Variants in BCAS3 observed in about 807,000 individuals in gnomAD.
BCAS3 encodes BCAS4/BCAS3 fusion.
A neutral mutation model predicts 116.1 loss-of-function variants in BCAS3; 53 were observed. The observed-to-expected ratio is 0.46, with a 90% CI of 0.37 to 0.57. BCAS3 has a LOEUF of 0.57. Among genes scored for constraint, BCAS3 ranks in the 20% least tolerant of loss-of-function variants. The pLI, the probability that BCAS3 is intolerant of heterozygous loss-of-function variation, is 0.00. For synonymous variants in BCAS3, 391 were observed against 408.2 expected (o/e 0.96, Z 0.51); for missense variants, 917 against 1,165.4 (o/e 0.79, Z 3.10).
intron 22 of BCAS3, among the ~76,000 whole-genome samples, chr17:61,194,899 C>G (rs1250523085): frequency 6.6e-6 from 1 of 152,126 alleles, no homozygotes; most frequent in Non-Finnish European, 1.5e-5. Context: ...TCTATTCTGA[C>G]CCCTAAGATG....
At chr17:61,218,462 A>G (rs1249570416) in intron 22 of BCAS3, among the ~76,000 whole-genome samples, 1 of 152,224 alleles carries the variant, frequency 6.6e-6, no homozygotes, top group African/African-American at 2.4e-5. Flanking sequence ...TAGAGGTCCT[A>G]CAATCCTGTA....
At chr17:61,331,069 G>A (rs960243608) in intron 22 of BCAS3, among the ~76,000 whole-genome samples, 1 of 152,202 alleles carries the variant, frequency 6.6e-6, no homozygotes, top group Non-Finnish European at 1.5e-5. Context: ...CCGTAGGGGT[G>A]AGAAAAGCAT....
At chr17:60,746,652 G>C (rs537488348) in intron 5 of BCAS3, among the ~76,000 whole-genome samples, 1 of 151,974 alleles carries the variant, frequency 6.6e-6, no homozygotes, top group Non-Finnish European at 1.5e-5. Context: ...TTTTTTAGCA[G>C]CTTTTCCTTT....
At chr17:61,232,840 T>C (rs779412230) in intron 22 of BCAS3, among the ~76,000 whole-genome samples, 6 of 152,230 alleles carry the variant, frequency 3.9e-5, no homozygotes, top group South Asian at 2.1e-4. Flanking sequence ...TTCTTTATGT[T>C]AACTATTTTC....
At chr17:61,385,044 G>C (rs1222882630) in intron 23 of BCAS3, among the ~76,000 whole-genome samples, 1 of 152,184 alleles carries the variant, frequency 6.6e-6, no homozygotes, top group Non-Finnish European at 1.5e-5. Flanking sequence ...GCTGAGGCTG[G>C]CTCCATCCCA....
At chr17:61,016,176 T>C (rs2065443898) in intron 16 of BCAS3, among the ~76,000 whole-genome samples, 1 of 152,214 alleles carries the variant, frequency 6.6e-6, no homozygotes, top group South Asian at 2.1e-4. Flanking sequence ...TACTTCGTCT[T>C]ATGCTTACTG....
rs201032880 is a variant in BCAS3 at position 60,924,508 on chromosome 17, C to T, written c.1087+8C>T. On this transcript the variant is annotated splice_region_variant and intron_variant, in intron 13 of 23. Coordinates refer to ENST00000407086, the MANE Select transcript of BCAS3 (RefSeq NM_017679.5). ...TGGCTTTTAATACAAGTGGTAAGTTCGCTCTCTGTCTTTTTTTTTTTTTTT... is the reference window on the plus strand; with the variant it reads ...TGGCTTTTAATACAAGTGGTAAGTTTGCTCTCTGTCTTTTTTTTTTTTTTT... 1.2e-4 allele frequency: 173 copies of T among 1,425,992 alleles called. No homozygotes were observed. Among genetic ancestry groups the T allele is most frequent in the African/African-American group, 9.6e-4 (65 of 67,558 alleles). The allele number at this position is 1,425,992 out of a possible 1,614,324, so 88.3% of individuals were successfully genotyped here.
intron 15 of BCAS3, among the ~76,000 whole-genome samples, chr17:60,996,268 C>G (rs148635159): frequency 6.6e-6 from 1 of 152,210 alleles, no homozygotes; most frequent in Non-Finnish European, 1.5e-5. Flanking sequence ...TGGGTGGAAA[C>G]TTAGTTGAGA....
chr17:60,771,646 C>T (rs1288873864), intron 6 of BCAS3, among the ~76,000 whole-genome samples: 1 of 152,026 alleles, frequency 6.6e-6, no homozygotes, highest in Non-Finnish European at 1.5e-5. Context: ...TGGTGTGCTG[C>T]ACCCATTAAC....
intron 22 of BCAS3, among the ~76,000 whole-genome samples, chr17:61,341,047 C>T (rs2057117086): frequency 6.6e-6 from 1 of 152,082 alleles, no homozygotes; most frequent in Non-Finnish European, 1.5e-5. Context: ...CTGACAGGGT[C>T]ATCTGTGTGA....
At chr17:60,958,780 T>C (rs1347975912) in intron 14 of BCAS3, among the ~76,000 whole-genome samples, 1 of 152,350 alleles carries the variant, frequency 6.6e-6, no homozygotes, top group East Asian at 1.9e-4. Flanking sequence ...TCACTACCTA[T>C]ATCAAGACTT....
In BCAS3 at chr17:61,034,738, C is replaced by A; in HGVS notation, c.1710C>A (p.Phe570Leu). The change falls in exon 17 of 24, where the codon TTC (phenylalanine) becomes TTA (leucine). Residue 570 changes from phenylalanine to leucine, a missense_variant. Around this residue, in one of 3 missense-constraint regions of BCAS3, gnomAD observed 807 missense variants for 1,026.0 expected, o/e 0.79. Coordinates refer to ENST00000407086, the MANE Select transcript of BCAS3 (RefSeq NM_017679.5). The surrounding 1 kb of genome is among the most constrained non-coding windows in gnomAD (Gnocchi z 5.0). ...MGGEFCVAAI[F>L]GTSRSWFANN... ...GAGAATTTTGTGTGGCTGCTATCTT[C>A]GGAACATCCAGGTCATGGTTTGCAA... 1 of 1,612,868 alleles carries A rather than the reference C, an allele frequency of 6.2e-7. No individual in the cohort carries two copies. Among genetic ancestry groups the A allele is most frequent in the Non-Finnish European group, 8.5e-7 (1 of 1,179,192 alleles).
At chr17:61,089,993 G>A (rs540641963) in intron 22 of BCAS3, among the ~76,000 whole-genome samples, 3 of 152,282 alleles carry the variant, frequency 2.0e-5, no homozygotes, top group East Asian at 3.9e-4. Flanking sequence ...CTACAATGAT[G>A]TGGCCACATA....
rs1568850946 is a variant in BCAS3 at position 61,322,858 on chromosome 17, G to GAGAGAGAGAGAGAGAGAGAGAC, written c.2426-45448_2426-45447insCAGAGAGAGAGAGAGAGAGAGA. Reference sequence around the variant, plus strand: ...AGAGAGAGAGAGAGAGAGAGAGACAGAGAGAGAGAGAGAGAGAGAGAGGTG... The same window carrying GAGAGAGAGAGAGAGAGAGAGAC: ...AGAGAGAGAGAGAGAGAGAGAGACAGAGAGAGAGAGAGAGAGAGAGACAGAGAGAGAGAGAGAGAGAGAGGTG... On this transcript the variant is annotated intron_variant, in intron 22 of 23. Coordinates refer to ENST00000407086, the MANE Select transcript of BCAS3 (RefSeq NM_017679.5). 5.3e-4 allele frequency among the ~76,000 whole-genome samples: 71 copies of GAGAGAGAGAGAGAGAGAGAGAC among 134,198 alleles called. 1 individual carries two copies. Among genetic ancestry groups the GAGAGAGAGAGAGAGAGAGAGAC allele is most frequent in the African/African-American group, 1.9e-3 (65 of 34,098 alleles). The allele number at this position is 134,198 out of a possible 152,430, so 88.0% of individuals were successfully genotyped here.
At chr17:61,175,170 G>T (rs1335570894) in intron 22 of BCAS3, among the ~76,000 whole-genome samples, 1 of 152,130 alleles carries the variant, frequency 6.6e-6, no homozygotes, top group Non-Finnish European at 1.5e-5. Context: ...ACTTTCGGAG[G>T]CCAAGGCAGG....
At chr17:61,080,373 A>C (rs1317035947) in intron 21 of BCAS3, among the ~76,000 whole-genome samples, 1 of 152,056 alleles carries the variant, frequency 6.6e-6, no homozygotes, top group Non-Finnish European at 1.5e-5. Flanking sequence ...TAATGCCAGC[A>C]CCCTAGCAAC....
intron 12 of BCAS3, among the ~76,000 whole-genome samples, chr17:60,923,416 G>C (rs941302465): frequency 6.6e-6 from 1 of 152,120 alleles, no homozygotes; most frequent in Admixed American, 6.5e-5. Context: ...TTGCATATAT[G>C]TTGTAACTGA....
rs1474499096 is a variant in BCAS3 at position 61,171,093 on chromosome 17, T to G, written c.2425+86529T>G. ...AATTTCCTCTAAATTCCTGTAGCCT[T>G]CCTTGCTTAAAAAAAAGCAAGACCC... is the stretch of plus-strand genomic sequence containing the variant. On this transcript the variant is annotated intron_variant, in intron 22 of 23. Transcript: ENST00000407086. This position sits in a 1 kb window ranked among gnomAD's most constrained non-coding sequence, Gnocchi z 4.1. 1.3e-5 allele frequency among the ~76,000 whole-genome samples: 2 copies of G among 152,108 alleles called. No homozygotes were observed. Among genetic ancestry groups the G allele is most frequent in the African/African-American group, 4.8e-5 (2 of 41,418 alleles).
At chr17:61,053,158 G>C (rs996668110) in intron 19 of BCAS3, among the ~76,000 whole-genome samples, 1 of 152,114 alleles carries the variant, frequency 6.6e-6, no homozygotes, top group Non-Finnish European at 1.5e-5. Flanking sequence ...CTTAAAAGTG[G>C]TATTGAGCTT....
Sources: gnomAD v4.1 joint callset for allele counts (sites outside exome capture counted in the v4.1 genomes callset) on GRCh38, gnomAD v4.1.1 for gene constraint, gnomAD v4.1.1 regional missense constraint, Gnocchi (gnomAD v3.1) non-coding constraint, MANE v1.5 for transcripts, NCBI Gene and HGNC (gene_info 2026-07-23, HGNC 2026-07-21) for gene names.